Variants in MAD1L1 observed in about 807,000 individuals in gnomAD.
The protein encoded by MAD1L1 is mitotic arrest deficient 1 like 1, also known as mitotic spindle assembly checkpoint protein MAD1.
A neutral mutation model predicts 96.9 loss-of-function variants in MAD1L1; 95 were observed. The ratio of observed to expected loss-of-function variants is 0.98; its 90% CI spans 0.83 to 1.16. The LOEUF is 1.16. Ranked by LOEUF, MAD1L1 falls within the 50% of genes most tolerant of loss-of-function variation. MAD1L1 has a pLI of 0.00. For missense variants in MAD1L1, 1,007 were observed against 954.4 expected, an observed-to-expected ratio of 1.06 and a Z score of -0.73; for synonymous variants, 473 against 396.6, an observed-to-expected ratio of 1.19 and a Z score of -2.29.
chr7:2,144,860 G>A (rs1562727268), intron 11 of MAD1L1, among the ~76,000 whole-genome samples: 1 of 152,128 alleles, frequency 6.6e-6, no homozygotes, highest in Non-Finnish European at 1.5e-5. Context: ...ACCAGGCCAG[G>A]CTCCCCTACA....
Position 1,867,417 on chromosome 7 carries a change from G to A in MAD1L1, c.1998+30783C>T, listed in dbSNP as rs558385642. On this transcript the variant is annotated intron_variant, in intron 18 of 18. Coordinates refer to ENST00000265854, the MANE Select transcript of MAD1L1 (RefSeq NM_001013836.2). ...GCACTGCAGCCTGAGCTCCAGGTCT[G>A]GATGAGGCGGTGGCAGCAGCTTCCT... is the stretch of plus-strand genomic sequence containing the variant. Among the ~76,000 whole-genome samples, 5 of 152,372 alleles carry A rather than the reference G, an allele frequency of 3.3e-5. No homozygotes were observed. The East Asian group carries it at 9.6e-4, about 29-fold the overall frequency.
chr7:2,143,759 G>A (rs1789158144), intron 11 of MAD1L1, among the ~76,000 whole-genome samples: 1 of 152,060 alleles, frequency 6.6e-6, no homozygotes, highest in Non-Finnish European at 1.5e-5. Context: ...GCAGCAAGGT[G>A]GGATCTTCAA....
At chr7:1,929,198 C>T (rs1434272313) in intron 17 of MAD1L1, among the ~76,000 whole-genome samples, 1 of 151,972 alleles carries the variant, frequency 6.6e-6, no homozygotes, top group Non-Finnish European at 1.5e-5. Context: ...CCTCCCTTCT[C>T]CTCCCTGGTA....
intron 18 of MAD1L1, among the ~76,000 whole-genome samples, chr7:1,875,282 G>A (rs967991578): frequency 3.3e-5 from 5 of 152,222 alleles, no homozygotes; most frequent in South Asian, 2.1e-4. Context: ...GCTGAGTACC[G>A]GATAGGACCT....
At chr7:1,994,134 G>A (rs1274788202) in intron 14 of MAD1L1, among the ~76,000 whole-genome samples, 1 of 152,230 alleles carries the variant, frequency 6.6e-6, no homozygotes, top group African/African-American at 2.4e-5. Context: ...TTGCTGCCAG[G>A]ATCACAGGGG....
intron 11 of MAD1L1, among the ~76,000 whole-genome samples, chr7:2,131,295 C>T (rs1323788699): frequency 6.6e-6 from 1 of 152,184 alleles, no homozygotes; most frequent in African/African-American, 2.4e-5. Context: ...TCTGGAGAGG[C>T]ACAATCCCCC....
At position 2,161,557 on chromosome 7, in the gene MAD1L1, C is replaced by T. The variant is rs1025995623; in HGVS notation, c.987-12319G>A. The stretch of plus-strand genomic sequence containing the variant: ...CTAGGAAGTGAGGAGCGTCTCTGAC[C>T]GGCCGCCCATCGTGTGGGATGTGAG... On this transcript the variant is annotated intron_variant, in intron 10 of 18. Coordinates refer to ENST00000265854, the MANE Select transcript of MAD1L1 (RefSeq NM_001013836.2). Among the ~76,000 whole-genome samples the T allele has an allele frequency of 2.6e-5, 4 of 152,094 alleles. No individual in the cohort carries two copies. In the East Asian group the frequency reaches 5.8e-4, roughly 22 times the overall value.
intron 10 of MAD1L1, among the ~76,000 whole-genome samples, chr7:2,166,719 TG>T (rs1160839184): frequency 1.3e-5 from 2 of 152,206 alleles, no homozygotes; most frequent in African/African-American, 4.8e-5. Flanking sequence ...CCTGAGGCTG[TG>T]ACAGCGTGTG....
intron 18 of MAD1L1, among the ~76,000 whole-genome samples, chr7:1,833,979 G>A (rs1308876695): frequency 6.6e-6 from 1 of 152,158 alleles, no homozygotes; most frequent in African/African-American, 2.4e-5. Flanking sequence ...ACCGTTCCGA[G>A]AATGTTCTCT....
intron 17 of MAD1L1, among the ~76,000 whole-genome samples, chr7:1,913,279 C>T (rs1302709699): frequency 6.6e-6 from 1 of 150,556 alleles, no homozygotes; most frequent in East Asian, 2.0e-4. Context: ...AGGAGAGGGG[C>T]AAGGAGCAGG....
At chr7:1,896,704 C>T (rs987886804) in intron 18 of MAD1L1, among the ~76,000 whole-genome samples, 7 of 152,234 alleles carry the variant, frequency 4.6e-5, no homozygotes, top group African/African-American at 7.2e-5. Context: ...CAACAGAAAA[C>T]ACTGTGGAGG....
At chr7:2,078,034 C>T (rs1339334818) in intron 11 of MAD1L1, among the ~76,000 whole-genome samples, 1 of 152,216 alleles carries the variant, frequency 6.6e-6, no homozygotes, top group East Asian at 1.9e-4. Flanking sequence ...TCCACATTCG[C>T]TCCTTGCTAA....
intron 18 of MAD1L1, among the ~76,000 whole-genome samples, chr7:1,840,966 T>TCC (rs1238810520): frequency 6.6e-6 from 1 of 152,110 alleles, no homozygotes; most frequent in African/African-American, 2.4e-5. Flanking sequence ...GGCCAGGTGG[T>TCC]CCCCGTGCGT....
chr7:1,915,356 G>A (rs1378772319), intron 17 of MAD1L1, among the ~76,000 whole-genome samples: 1 of 152,212 alleles, frequency 6.6e-6, no homozygotes, highest in South Asian at 2.1e-4. Flanking sequence ...AGGCGTCCTG[G>A]CAGCACCTGG....
chr7:2,116,767 G>A (rs1787726778), intron 11 of MAD1L1, among the ~76,000 whole-genome samples: 1 of 152,234 alleles, frequency 6.6e-6, no homozygotes, highest in Non-Finnish European at 1.5e-5. Context: ...GGATGTCCCA[G>A]AGTTAGTGAG....
chr7:1,816,458 G>T (rs1442790616), intron 18 of MAD1L1, among the ~76,000 whole-genome samples: 1 of 152,180 alleles, frequency 6.6e-6, no homozygotes, highest in African/African-American at 2.4e-5. Flanking sequence ...TACCCAGGCA[G>T]TTGGGGGTCC....
At chr7:1,944,688 C>T (rs189790941) in intron 16 of MAD1L1, among the ~76,000 whole-genome samples, 23 of 152,300 alleles carry the variant, frequency 1.5e-4, no homozygotes, top group Non-Finnish European at 2.9e-4. Context: ...GCCGGAAGAG[C>T]CTCTAGGGCA....
chr7:2,118,248 C>T (rs1787809913), intron 11 of MAD1L1, among the ~76,000 whole-genome samples: 1 of 152,248 alleles, frequency 6.6e-6, no homozygotes, highest in Admixed American at 6.5e-5. Context: ...GCATCCAGGG[C>T]ACAGTGCCAG....
intron 10 of MAD1L1, among the ~76,000 whole-genome samples, chr7:2,179,672 T>C (rs1264777342): frequency 3.3e-5 from 5 of 151,854 alleles, no homozygotes; most frequent in African/African-American, 1.2e-4. Context: ...AGATCCCAAT[T>C]AAAAGTCCTG....
Sources: allele counts gnomAD v4.1 joint callset (sites outside exome capture counted in the v4.1 genomes callset), GRCh38; gene constraint gnomAD v4.1.1; transcripts MANE v1.5; gene names NCBI Gene and HGNC (gene_info 2026-07-23, HGNC 2026-07-21).